Variants in CDH18 observed in about 807,000 individuals in gnomAD.
The protein encoded by CDH18 is cadherin 18.
Under a neutral mutation model 67.9 loss-of-function variants are expected in CDH18, and 31 were observed. The observed-to-expected ratio is 0.46, with a 90% confidence interval of 0.34 to 0.62. The LOEUF is 0.62. Among genes scored for constraint, CDH18 ranks in the 20% least tolerant of loss-of-function variants. CDH18 has a pLI of 0.01. For missense variants in CDH18, 890 were observed against 975.5 expected, an observed-to-expected ratio of 0.91 and a Z score of 1.17; for synonymous variants, 362 against 347.2, an observed-to-expected ratio of 1.04 and a Z score of -0.48.
chr5:20,108,385 C>T (rs749723717), intron 2 of CDH18, among the ~76,000 whole-genome samples: 84 of 152,126 alleles, frequency 5.5e-4, no homozygotes, highest in Non-Finnish European at 9.8e-4. Flanking sequence ...AGCCACTGTG[C>T]CTGCCCTAAT....
rs1286309488 is a variant in CDH18, at chr5:19,965,480, A to G, written c.-257+15580T>C. Reference sequence around the variant, plus strand: ...ACTTTACTATATGTTTAAAATATGGAAACACACTCCCCTGATACAGGAAAT... The same window carrying G: ...ACTTTACTATATGTTTAAAATATGGGAACACACTCCCCTGATACAGGAAAT... On this transcript the variant is annotated intron_variant, in intron 2 of 12. Transcript: ENST00000382275. Among the ~76,000 whole-genome samples the G allele has an allele frequency of 2.0e-5, 3 of 152,328 alleles. No homozygotes were observed. The East Asian group carries it at 5.8e-4, about 29-fold the overall frequency.
At chr5:20,034,264 C>T (rs1739646785) in intron 2 of CDH18, among the ~76,000 whole-genome samples, 1 of 152,008 alleles carries the variant, frequency 6.6e-6, no homozygotes, top group African/African-American at 2.4e-5. Flanking sequence ...GACTGTTACT[C>T]TTACGTAAGC....
intron 2 of CDH18, among the ~76,000 whole-genome samples, chr5:20,048,978 A>G (rs1376701706): frequency 6.6e-5 from 10 of 151,770 alleles, no homozygotes; most frequent in Admixed American, 6.6e-4. Flanking sequence ...ACACTGGTTT[A>G]AATAAAATAG....
At chr5:20,067,304 T>C (rs1263428962) in intron 2 of CDH18, among the ~76,000 whole-genome samples, 3 of 151,478 alleles carry the variant, frequency 2.0e-5, no homozygotes, top group African/African-American at 7.3e-5. Context: ...AGCAATGCTA[T>C]ATCTAACTAA....
chr5:20,134,023 G>T (rs900567943), intron 2 of CDH18, among the ~76,000 whole-genome samples: 1 of 152,100 alleles, frequency 6.6e-6, no homozygotes, highest in Non-Finnish European at 1.5e-5. Context: ...GGAGTGCAAT[G>T]GCACACTCTC....
intron 1 of CDH18, among the ~76,000 whole-genome samples, chr5:20,503,331 C>T (rs906241131): frequency 6.6e-6 from 1 of 151,060 alleles, no homozygotes; most frequent in Non-Finnish European, 1.5e-5. Flanking sequence ...AATTGAGGCT[C>T]TTATATAATT....
chr5:19,834,684 C>T (rs915938042), intron 3 of CDH18, among the ~76,000 whole-genome samples: 1 of 152,114 alleles, frequency 6.6e-6, no homozygotes, highest in African/African-American at 2.4e-5. Flanking sequence ...TCCCTCTTAA[C>T]ACTGCTTTAG....
At chr5:20,212,653 A>G (rs1042768727) in intron 2 of CDH18, among the ~76,000 whole-genome samples, 1 of 152,076 alleles carries the variant, frequency 6.6e-6, no homozygotes, top group Non-Finnish European at 1.5e-5. Context: ...TTTTCAACCC[A>G]CAAATTCATA....
intron 1 of CDH18, among the ~76,000 whole-genome samples, chr5:20,481,039 A>G (rs1222050842): frequency 2.0e-5 from 3 of 151,986 alleles, no homozygotes; most frequent in Non-Finnish European, 4.4e-5. Context: ...CAGTCAAAAG[A>G]TATAGAGTGG....
At chr5:20,445,298 A>G (rs1749920401) in intron 1 of CDH18, among the ~76,000 whole-genome samples, 1 of 152,234 alleles carries the variant, frequency 6.6e-6, no homozygotes, top group Non-Finnish European at 1.5e-5. Context: ...ACTGCAGATT[A>G]GAAAAAGGAA....
At chr5:19,843,348 A>G (rs1460945474) in intron 2 of CDH18, among the ~76,000 whole-genome samples, 1 of 152,212 alleles carries the variant, frequency 6.6e-6, no homozygotes, top group East Asian at 1.9e-4. Context: ...AGAGGGTGCA[A>G]GCACCGAGCC....
At chr5:20,156,786 T>C (rs1171373503) in intron 2 of CDH18, among the ~76,000 whole-genome samples, 1 of 152,218 alleles carries the variant, frequency 6.6e-6, no homozygotes, top group Non-Finnish European at 1.5e-5. Flanking sequence ...TTTCCCATCA[T>C]AGGTGTTATA....
chr5:20,364,327 A>T (rs182105135), intron 1 of CDH18, among the ~76,000 whole-genome samples: 18 of 135,220 alleles, frequency 1.3e-4, no homozygotes, highest in African/African-American at 4.3e-4. Flanking sequence ...AGGTTTACAT[A>T]AACAATCTAA....
At chr5:19,632,689 T>C (rs1005032559) in intron 5 of CDH18, among the ~76,000 whole-genome samples, 1 of 152,248 alleles carries the variant, frequency 6.6e-6, no homozygotes, top group African/African-American at 2.4e-5. Flanking sequence ...GTTAAAGTGC[T>C]TTTTGCAAAT....
chr5:20,190,776 G>A (rs1488235832), intron 2 of CDH18, among the ~76,000 whole-genome samples: 2 of 152,130 alleles, frequency 1.3e-5, no homozygotes, highest in Non-Finnish European at 2.9e-5. Flanking sequence ...GGGAATGAGA[G>A]ACCTATTACC....
intron 2 of CDH18, among the ~76,000 whole-genome samples, chr5:20,209,427 G>A (rs190080937): frequency 1.8e-4 from 27 of 152,160 alleles, no homozygotes; most frequent in African/African-American, 4.8e-4. Context: ...ACATAAAATA[G>A]TGAAATCCTG....
chr5:19,812,251 C>G (rs768716580), intron 3 of CDH18, among the ~76,000 whole-genome samples: 1 of 151,972 alleles, frequency 6.6e-6, no homozygotes, highest in Non-Finnish European at 1.5e-5. Flanking sequence ...GAAGAAGAAA[C>G]TGGATATAGA....
Position 20,376,125 on chromosome 5 carries a change from C to G in CDH18, c.-579-120620G>C, listed in dbSNP as rs576382730. On this transcript the variant is annotated intron_variant, in intron 1 of 14. Coordinates refer to the CDH18 transcript ENST00000507958. ...TTTTTTTTTTTTGAGACGGAGTCTC[C>G]CTCTGTCACCCAGGCTGGAGTGCGG... 4.2e-3 allele frequency among the ~76,000 whole-genome samples: 26 copies of G among 6,142 alleles called. 1 individual carries two copies. The East Asian group carries it at 0.11, about 27-fold the overall frequency. The allele number at this position is 6,142 out of a possible 152,430, so 4.0% of individuals were successfully genotyped here.
At chr5:20,499,214 C>T (rs1754092776) in intron 1 of CDH18, among the ~76,000 whole-genome samples, 1 of 151,982 alleles carries the variant, frequency 6.6e-6, no homozygotes, top group African/African-American at 2.4e-5. Flanking sequence ...TGCTCAAGTC[C>T]ATGATATAAA....
Sources: gnomAD v4.1 joint callset for allele counts (sites outside exome capture counted in the v4.1 genomes callset) on GRCh38, gnomAD v4.1.1 for gene constraint, MANE v1.5 for transcripts, NCBI Gene and HGNC (gene_info 2026-07-23, HGNC 2026-07-21) for gene names.